CHD1L: variants seen among roughly 807,000 people sequenced by gnomAD.
CHD1L encodes the protein ATP-dependent chromatin remodeler CHD1L.
In CHD1L, 118 loss-of-function variants were observed where a neutral mutation model predicts 115.9. The ratio of observed to expected loss-of-function variants is 1.02; its 90% CI spans 0.88 to 1.19. CHD1L has a LOEUF of 1.19. CHD1L is among the 50% of genes most tolerant of loss of function. The pLI is 0.00. For missense variants in CHD1L, 1,179 were observed against 1,065.3 expected (o/e 1.11, Z -1.49); for synonymous variants, 411 against 387.1 (o/e 1.06, Z -0.72).
At chr1:147,242,935 C>T (rs1356385871) in intron 1 of CHD1L, 105 bp downstream of exon 1, 1 of 1,200,526 alleles carries the variant, frequency 8.3e-7, no homozygotes. Context: ...GCAGTTTACC[C>T]GCTCGCGCCA....
chr1:147,235,087 C>CTGTGTGTGTGTGTGTGTGTGTG, the CHD1L span, among the ~76,000 whole-genome samples: 47 of 146,166 alleles, frequency 3.2e-4, no homozygotes, highest in Middle Eastern at 3.5e-3. Context: ...ATATCCCACA[C>CTGTGTGTGTGTGTGTGTGTGTG]TGTGTGTGTG....
At chr1:147,235,772 T>G in the CHD1L span, among the ~76,000 whole-genome samples, 3 of 152,156 alleles carry the variant, frequency 2.0e-5, no homozygotes, top group African/African-American at 7.2e-5. Flanking sequence ...GTAGGGTGAA[T>G]CATGAGAAAC....
At chr1:147,293,744 C>T (rs1553973328) in intron 21 of CHD1L, 22 bp downstream of exon 21, 3 of 1,576,700 alleles carry the variant, frequency 1.9e-6, no homozygotes, top group Admixed American at 3.3e-5. Context: ...CACCTGTGCT[C>T]AAGAGTAGAT....
chr1:147,284,045 T>C (rs1682033986), intron 15 of CHD1L, among the ~76,000 whole-genome samples: 1 of 152,148 alleles, frequency 6.6e-6, no homozygotes, highest in South Asian at 2.1e-4. Flanking sequence ...CGCTGAGGGA[T>C]AGTTGGGAAT....
the CHD1L span, among the ~76,000 whole-genome samples, chr1:147,191,094 T>C: frequency 2.6e-5 from 4 of 152,318 alleles, no homozygotes; most frequent in Middle Eastern, 3.4e-3. Flanking sequence ...TGTTGGACAT[T>C]TGGCTTGGTT....
chr1:147,263,041 A>T (rs1417441521), intron 6 of CHD1L, among the ~76,000 whole-genome samples: 1 of 152,176 alleles, frequency 6.6e-6, no homozygotes. Context: ...GTATACATAC[A>T]TGTATGTAAA....
intron 1 of CHD1L, among the ~76,000 whole-genome samples, chr1:147,249,697 C>T (rs1553935432): frequency 6.6e-6 from 1 of 152,166 alleles, no homozygotes; most frequent in Non-Finnish European, 1.5e-5. Flanking sequence ...AGCCACCGCG[C>T]CCGGCAATGT....
At chr1:147,204,605 C>G in the CHD1L span, 1 of 1,593,358 alleles carries the variant, frequency 6.3e-7, no homozygotes, top group African/African-American at 1.3e-5. Context: ...TCCAGGAGAG[C>G]TCCGGCAAAT....
At chr1:147,268,682 A>T in intron 9 of CHD1L, 100 bp from the exon 10 acceptor site, 1 of 838,440 alleles carries the variant, frequency 1.2e-6, no homozygotes, top group Non-Finnish European at 2.0e-6. Context: ...GCAAACAACT[A>T]CTTATATGAT....
At chr1:147,212,392 C>G in the CHD1L span, 3 of 1,613,820 alleles carry the variant, frequency 1.9e-6, no homozygotes, top group East Asian at 6.7e-5. Flanking sequence ...GTGATTCAAA[C>G]CTGCTTGGCT....
At chr1:147,207,219 G>A in the CHD1L span, among the ~76,000 whole-genome samples, 1 of 152,002 alleles carries the variant, frequency 6.6e-6, no homozygotes, top group Non-Finnish European at 1.5e-5. Context: ...TACTCAAATG[G>A]TTTCAGAAAA....
At chr1:147,285,719 G>A (rs1553965130) in intron 17 of CHD1L, among the ~76,000 whole-genome samples, 2 of 152,094 alleles carry the variant, frequency 1.3e-5, no homozygotes, top group Non-Finnish European at 2.9e-5. Flanking sequence ...TTTCTTTTGA[G>A]ATGGGTTCTT....
At chr1:147,185,543 G>A in the CHD1L span, among the ~76,000 whole-genome samples, 1 of 152,168 alleles carries the variant, frequency 6.6e-6, no homozygotes, top group African/African-American at 2.4e-5. Context: ...TTCGGTGAAA[G>A]GGCCGGCAAT....
At chr1:147,279,795 G>C (rs1470728551) in intron 14 of CHD1L, among the ~76,000 whole-genome samples, 1 of 152,074 alleles carries the variant, frequency 6.6e-6, no homozygotes, top group East Asian at 1.9e-4. Flanking sequence ...TTTTTATGCA[G>C]AATTGTCAAA....
chr1:147,272,441 A>C (rs1419296725), intron 12 of CHD1L, 160 bp downstream of exon 12: 3 of 547,450 alleles, frequency 5.5e-6, no homozygotes, highest in Admixed American at 3.4e-5. Context: ...GCTGTTTTCT[A>C]TCCAGCCTGT....
chr1:147,251,832 A>G (rs1014256734), intron 1 of CHD1L, among the ~76,000 whole-genome samples: 1 of 152,212 alleles, frequency 6.6e-6, no homozygotes, highest in Non-Finnish European at 1.5e-5. Context: ...TAATTTATGT[A>G]AAGTGTTTAC....
chr1:147,205,948 G>C, the CHD1L span, among the ~76,000 whole-genome samples: 1 of 151,976 alleles, frequency 6.6e-6, no homozygotes, highest in Admixed American at 6.5e-5. Flanking sequence ...CTTCTGCACA[G>C]CAAAAGAAAC....
chr1:147,288,887 G>C (rs906042410), intron 19 of CHD1L, among the ~76,000 whole-genome samples: 1 of 152,022 alleles, frequency 6.6e-6, no homozygotes, highest in Non-Finnish European at 1.5e-5. Context: ...AGGGAAAAAG[G>C]CACCTCCTTT....
intron 1 of CHD1L, among the ~76,000 whole-genome samples, chr1:147,243,605 C>T (rs1665618868): frequency 6.6e-6 from 1 of 152,134 alleles, no homozygotes. Context: ...TGCGCTGACT[C>T]GCCGCTGAAC....
Sources: gnomAD v4.1 joint callset for allele counts (sites outside exome capture counted in the v4.1 genomes callset) on GRCh38, gnomAD v4.1.1 for gene constraint, MANE v1.5 for transcripts, NCBI Gene and HGNC (gene_info 2026-07-23, HGNC 2026-07-21) for gene names.